PARD3B: variants seen among roughly 807,000 people sequenced by gnomAD.
The protein encoded by PARD3B is partitioning defective 3 homolog B.
In PARD3B, 103 loss-of-function variants were observed where a neutral mutation model predicts 130.2. That is an observed-to-expected ratio of 0.79 (90% CI 0.67 to 0.93). The LOEUF (loss-of-function observed/expected upper bound fraction) is 0.93, where lower values mean the gene tolerates loss of function less well. Ranked by LOEUF, PARD3B falls within the 40% of genes least tolerant of loss-of-function variation. The pLI is 0.00. For missense variants in PARD3B, 1,609 were observed against 1,499.2 expected (o/e 1.07, Z -1.21); for synonymous variants, 583 against 553.2 (o/e 1.05, Z -0.76).
Position 205,015,310 on chromosome 2 carries a change from T to C in PARD3B, c.395-32271T>C, listed in dbSNP as rs944904218. 6.6e-6 allele frequency among the ~76,000 whole-genome samples: 1 copy of C among 152,144 alleles called. No individual in the cohort carries two copies. Among genetic ancestry groups the C allele is most frequent in the African/African-American group, 2.4e-5 (1 of 41,436 alleles). ...AAGGTCTTCATCCTCATCATCTGCCTGTTGAGTAGATGGAGGAAGAGAAGG... is the reference window on the plus strand; with the variant it reads ...AAGGTCTTCATCCTCATCATCTGCCCGTTGAGTAGATGGAGGAAGAGAAGG... On this transcript the variant is annotated intron_variant, in intron 3 of 22. Coordinates refer to ENST00000406610, the MANE Select transcript of PARD3B (RefSeq NM_001302769.2). The surrounding 1 kb of genome is among the most constrained non-coding windows in gnomAD (Gnocchi z 4.5).
rs924775723 is a variant in PARD3B, at chr2:205,487,169, C to T, written c.3045-12727C>T. On this transcript the variant is annotated intron_variant, in intron 20 of 22. Coordinates refer to ENST00000406610, the MANE Select transcript of PARD3B (RefSeq NM_001302769.2). Reference sequence around the variant, plus strand: ...CTTTAACAGTAGAAAAGTAAGGACTCGTTCACTTGTCACATATATTTAGAA... The same window carrying T: ...CTTTAACAGTAGAAAAGTAAGGACTTGTTCACTTGTCACATATATTTAGAA... 3.9e-5 allele frequency among the ~76,000 whole-genome samples: 6 copies of T among 152,250 alleles called. No individual in the cohort carries two copies. The South Asian group carries it at 6.2e-4, about 16-fold the overall frequency.
At position 204,883,414 on chromosome 2, in the gene PARD3B, T is replaced by G. The variant is rs941530930; in HGVS notation, c.223-81738T>G. On this transcript the variant is annotated intron_variant, in intron 2 of 22. Coordinates refer to ENST00000406610, the MANE Select transcript of PARD3B (RefSeq NM_001302769.2). ...TGTATGTATATATATATTATATATA[T>G]ATAATATATATATATATAAAATATA... 2.6e-5 allele frequency among the ~76,000 whole-genome samples: 3 copies of G among 116,890 alleles called. No individual in the cohort carries two copies. In the East Asian group the frequency reaches 6.4e-4, roughly 25 times the overall value. The allele number at this position is 116,890 out of a possible 152,430, so 76.7% of individuals were successfully genotyped here.
chr2:205,420,198 G>T (rs900492117), intron 19 of PARD3B, among the ~76,000 whole-genome samples: 19 of 152,300 alleles, frequency 1.2e-4, no homozygotes, highest in African/African-American at 4.1e-4. Context: ...GCTATTAGTG[G>T]TGTGTGCATG....
At chr2:205,307,468 C>T (rs956078357) in intron 18 of PARD3B, among the ~76,000 whole-genome samples, 15 of 152,088 alleles carry the variant, frequency 9.9e-5, no homozygotes, top group African/African-American at 3.6e-4. Context: ...ATGCTCTGTG[C>T]TTAAATTTTT....
chr2:204,688,609 G>T (rs921103340), intron 2 of PARD3B, among the ~76,000 whole-genome samples: 8 of 146,324 alleles, frequency 5.5e-5, no homozygotes, highest in Admixed American at 2.0e-4. Flanking sequence ...GTGAAAAAAA[G>T]AATTTCTTAT....
Position 205,047,694 on chromosome 2 carries a change from GGTATCCTGCTGCTT to G in PARD3B, c.504+8_504+21del. On this transcript the variant is annotated splice_donor_5th_base_variant and intron_variant, in intron 4 of 22. Coordinates refer to ENST00000406610, the MANE Select transcript of PARD3B (RefSeq NM_001302769.2). ...GAGTCTGAAACTGGTTGTTCCAGTAGGTATCCTGCTGCTTGTAGTTCTAATGAAAGATCAAAGTG... is the reference window on the plus strand; with the variant it reads ...GAGTCTGAAACTGGTTGTTCCAGTAGGTAGTTCTAATGAAAGATCAAAGTG... The G allele has an allele frequency of 1.3e-6, 2 of 1,519,946 alleles. No homozygotes were observed. Among genetic ancestry groups the G allele is most frequent in the Non-Finnish European group, 1.8e-6 (2 of 1,118,780 alleles). The allele number at this position is 1,519,946 out of a possible 1,614,324, so 94.2% of individuals were successfully genotyped here.
At chr2:205,099,541 A>T (rs924618015) in intron 4 of PARD3B, among the ~76,000 whole-genome samples, 3 of 152,232 alleles carry the variant, frequency 2.0e-5, no homozygotes, top group African/African-American at 7.2e-5. Context: ...TTAGTGAAGG[A>T]AAAGCTTAAG....
At chr2:205,086,509 T>C (rs565184575) in intron 4 of PARD3B, among the ~76,000 whole-genome samples, 16 of 152,354 alleles carry the variant, frequency 1.1e-4, no homozygotes, top group Admixed American at 2.0e-4. Context: ...GTTGCTTCTC[T>C]GTCAATTTTT....
At chr2:204,560,887 G>A (rs1401412806) in intron 1 of PARD3B, among the ~76,000 whole-genome samples, 2 of 152,056 alleles carry the variant, frequency 1.3e-5, no homozygotes, top group African/African-American at 2.4e-5. Flanking sequence ...TGAAGCAGAA[G>A]CAGAAATGAG....
chr2:205,055,708 TG>T (rs1431592036), intron 4 of PARD3B, among the ~76,000 whole-genome samples: 6 of 152,164 alleles, frequency 3.9e-5, no homozygotes, highest in Admixed American at 3.9e-4. Context: ...ATTCCAGATG[TG>T]AATTATTAAG....
chr2:205,038,278 G>C (rs1191784146), intron 3 of PARD3B, among the ~76,000 whole-genome samples: 2 of 151,970 alleles, frequency 1.3e-5, no homozygotes, highest in African/African-American at 4.8e-5. Flanking sequence ...GCTTTTATTT[G>C]GATTTATTAA....
At position 205,352,670 on chromosome 2, in the gene PARD3B, G is replaced by C. The variant is rs1048996058; in HGVS notation, c.2631-48343G>C. The stretch of plus-strand genomic sequence containing the variant: ...TGATGTGAGGTGTTGGAGATAAACA[G>C]GTAGTATCAGGCGTCCATAGCCTTG... On this transcript the variant is annotated intron_variant, in intron 18 of 22. Transcript: ENST00000406610. This position sits in a 1 kb window ranked among gnomAD's most constrained non-coding sequence, Gnocchi z 5.2. Among the ~76,000 whole-genome samples, 7 of 152,124 alleles carry C rather than the reference G, an allele frequency of 4.6e-5. No individual in the cohort carries two copies. Among genetic ancestry groups the C allele is most frequent in the African/African-American group, 1.7e-4 (7 of 41,418 alleles).
At chr2:204,591,551 C>T (rs1168429569) in intron 1 of PARD3B, among the ~76,000 whole-genome samples, 1 of 152,152 alleles carries the variant, frequency 6.6e-6, no homozygotes. Context: ...TGTGTTAAAA[C>T]AGATTAACTG....
intron 18 of PARD3B, among the ~76,000 whole-genome samples, chr2:205,384,875 C>T (rs549111552): frequency 2.0e-5 from 3 of 152,200 alleles, no homozygotes; most frequent in African/African-American, 7.2e-5. Context: ...GTAATGCTGA[C>T]ATACTAACCC....
At chr2:205,035,950 C>T (rs1198042706) in intron 3 of PARD3B, among the ~76,000 whole-genome samples, 3 of 131,772 alleles carry the variant, frequency 2.3e-5, no homozygotes, top group African/African-American at 8.7e-5. Context: ...ATATATATGA[C>T]TATTTTTACA....
rs527453036 is a variant in PARD3B at position 205,461,343 on chromosome 2, C to G, written c.3044+20671C>G. On this transcript the variant is annotated intron_variant, in intron 20 of 22. Transcript: ENST00000406610. The surrounding 1 kb of genome is among the most constrained non-coding windows in gnomAD (Gnocchi z 4.3). ...GAAGAAGTGAAAGAAGGTCCTCTTA[C>G]CAACACCAAGCAAGAGGATAAAGAG... Among the ~76,000 whole-genome samples the G allele has an allele frequency of 6.6e-6, 1 of 152,228 alleles. No homozygotes were observed. Among genetic ancestry groups the G allele is most frequent in the African/African-American group, 2.4e-5 (1 of 41,550 alleles).
rs192271708 is a variant in PARD3B at position 205,223,894 on chromosome 2, A to C, written c.2141-21884A>C. On this transcript the variant is annotated intron_variant, in intron 15 of 22. Coordinates refer to ENST00000406610, the MANE Select transcript of PARD3B (RefSeq NM_001302769.2). ...CATCAGAGTAAATGGGGTGTCCATC[A>C]CATCAAGCATTTATCCTGTCATTGT... Among the ~76,000 whole-genome samples the C allele has an allele frequency of 6.9e-3, 1,050 of 152,202 alleles. 10 individuals carry two copies. The highest frequency in any genetic ancestry group is 0.012 in the Non-Finnish European group (845 of 68,006).
At position 205,301,763 on chromosome 2, in the gene PARD3B, C is replaced by A. The variant is rs566415215; in HGVS notation, c.2630+62C>A. The A allele has an allele frequency of 9.4e-5, 152 of 1,613,900 alleles. 1 individual carries two copies. The South Asian group carries it at 1.6e-3, about 17-fold the overall frequency. On this transcript the variant is annotated intron_variant, in intron 18 of 22. Transcript: ENST00000406610. The surrounding 1 kb of genome is among the most constrained non-coding windows in gnomAD (Gnocchi z 5.2). ...TTTGTCTCTCCTGGTAAAATCACTC[C>A]TTTGTCTGTACTCAGAAAAAAGCGC... is the stretch of plus-strand genomic sequence containing the variant.
rs557198220 is a variant in PARD3B, at chr2:204,901,994, C to T, written c.223-63158C>T. On this transcript the variant is annotated intron_variant, in intron 2 of 22. Transcript: ENST00000406610. ...CAGTTGCAAGACAATGTCCTCTCTACTCTTCCCCTCCTCTCCTCAAGCAGT... is the reference window on the plus strand; with the variant it reads ...CAGTTGCAAGACAATGTCCTCTCTATTCTTCCCCTCCTCTCCTCAAGCAGT... Among the ~76,000 whole-genome samples, 7 of 152,250 alleles carry T rather than the reference C, an allele frequency of 4.6e-5. No individual in the cohort carries two copies. In the South Asian group the frequency reaches 1.2e-3, roughly 27 times the overall value.
Sources: allele counts gnomAD v4.1 joint callset (sites outside exome capture counted in the v4.1 genomes callset), GRCh38; gene constraint gnomAD v4.1.1; non-coding constraint Gnocchi (gnomAD v3.1); transcripts MANE v1.5; gene names NCBI Gene and HGNC (gene_info 2026-07-23, HGNC 2026-07-21).